Variants in SPATA4 observed in about 807,000 individuals in gnomAD.
The protein encoded by SPATA4 is spermatogenesis associated 4, also known as spermatogenesis-associated protein 4.
SPATA4 carries 35 observed loss-of-function variants against 31.8 expected under a neutral mutation model. That is an observed-to-expected ratio of 1.10 (90% confidence interval 0.84 to 1.46). The LOEUF (loss-of-function observed/expected upper bound fraction) is 1.46, where lower values mean the gene tolerates loss of function less well. Ranked by LOEUF, SPATA4 falls within the 40% of genes most tolerant of loss-of-function variation. The pLI is 0.00. For missense variants in SPATA4, 394 were observed against 363.1 expected (o/e 1.09, Z -0.69); for synonymous variants, 126 against 132.4 (o/e 0.95, Z 0.33).
At chr4:176,193,772 G>T in intron 1 of SPATA4, 190 bp from the exon 2 acceptor site, 1 of 504,892 alleles carries the variant, frequency 2.0e-6, no homozygotes, top group Non-Finnish European at 3.2e-6. Flanking sequence ...AGGCTTTGGT[G>T]TTCTTTTGAT....
Position 176,192,143 on chromosome 4 carries a change from A to G in SPATA4, c.688+484T>C, listed in dbSNP as rs539827355. On this transcript the variant is annotated intron_variant, in intron 4 of 5. Transcript: ENST00000280191. Reference sequence around the variant, plus strand: ...AATGCTTTGTTTGGGTACTTAGAGAATGATTTCAGTGATACGTCTGGAAAG... The same window carrying G: ...AATGCTTTGTTTGGGTACTTAGAGAGTGATTTCAGTGATACGTCTGGAAAG... Among the ~76,000 whole-genome samples the G allele has an allele frequency of 1.3e-5, 2 of 152,304 alleles. 1 individual carries two copies. The highest frequency in any genetic ancestry group is 4.1e-4 in the South Asian group (2 of 4,824).
chr4:176,191,748 A>G (rs761441107), intron 4 of SPATA4, among the ~76,000 whole-genome samples: 13 of 152,188 alleles, frequency 8.5e-5, no homozygotes, highest in Non-Finnish European at 1.8e-4. Flanking sequence ...AAGGAAGAGA[A>G]AACAAAATAT....
At chr4:176,185,271 A>G (rs1289855075) in intron 5 of SPATA4, among the ~76,000 whole-genome samples, 3 of 152,128 alleles carry the variant, frequency 2.0e-5, no homozygotes, top group Non-Finnish European at 4.4e-5. Context: ...TGGAGCTCTG[A>G]TTACACTGAG....
chr4:176,184,817 G>A lies in SPATA4; in HGVS notation c.881C>T (p.Ala294Val), dbSNP rs1219957960. ...KQAGQHSYYS[A>V]MKPIRNMDKK... ...GTCCATGTTTCTGATAGGTTTCATA[G>A]CAGAGTAATAAGAATGTTGTCCAGC... is the stretch of plus-strand genomic sequence containing the variant. Residue 294 changes from alanine to valine, a missense_variant, in exon 6 of 6, where the codon GCT becomes GTT. Physicochemically the swap from Ala to Val is moderately conservative, Grantham distance 64. Transcript: ENST00000280191. 3 of 1,601,154 alleles carry A rather than the reference G, an allele frequency of 1.9e-6. No homozygotes were observed. The highest frequency in any genetic ancestry group is 2.6e-6 in the Non-Finnish European group (3 of 1,174,046).
intron 4 of SPATA4, 85 bp from the exon 5 acceptor site, chr4:176,188,320 T>C: frequency 1.2e-6 from 1 of 828,504 alleles, no homozygotes; most frequent in East Asian, 2.7e-5. Context: ...AAAAATTAAG[T>C]AAATTATTTA....
chr4:176,187,922 G>C (rs549975509), intron 5 of SPATA4, among the ~76,000 whole-genome samples, 197 bp downstream of exon 5: 2 of 152,144 alleles, frequency 1.3e-5, no homozygotes, highest in Non-Finnish European at 2.9e-5. Flanking sequence ...TAGCAGGCTG[G>C]GGAGGGGGCA....
At chr4:176,194,515 CCT>C (rs1360998781) in intron 1 of SPATA4, 1 of 152,084 alleles carries the variant, frequency 6.6e-6, no homozygotes, top group Non-Finnish European at 1.5e-5. Flanking sequence ...GGAACCTATG[CCT>C]CTCTGATAAG....
chr4:176,192,692 A>C lies in SPATA4; in HGVS notation c.623T>G (p.Leu208Arg). 6.2e-7 allele frequency: 1 copy of C among 1,614,096 alleles called. No homozygotes were observed. The highest frequency in any genetic ancestry group is 8.5e-7 in the Non-Finnish European group (1 of 1,180,004). The part of the protein sequence containing the change: ...LSNPNMLTNE[L>R]KAEFLILLHM... ...TAAAAGGATGAGGAACTCCGCTTTA[A>C]GTTCATTGGTCAGCATGTTGGGATT... Residue 208 changes from leucine to arginine, a missense_variant, in exon 4 of 6, where the codon CTT (leucine) becomes CGT (arginine). Leu to Arg is a moderately radical substitution (Grantham distance 102). Transcript: ENST00000280191.
chr4:176,188,001 T>C (rs1752471379), intron 5 of SPATA4, 118 bp downstream of exon 5: 1 of 739,916 alleles, frequency 1.4e-6, no homozygotes, highest in African/African-American at 1.8e-5. Flanking sequence ...ATTGGCAGTG[T>C]AGGACTGAAT....
intron 4 of SPATA4, among the ~76,000 whole-genome samples, chr4:176,189,075 G>GA (rs1429379563): frequency 6.6e-6 from 1 of 152,150 alleles, no homozygotes; most frequent in African/African-American, 2.4e-5. Flanking sequence ...TGTAGTTAAA[G>GA]AAAAAATGTG....
chr4:176,191,596 C>T (rs1011392844), intron 4 of SPATA4, among the ~76,000 whole-genome samples: 2 of 152,120 alleles, frequency 1.3e-5, no homozygotes, highest in South Asian at 2.1e-4. Flanking sequence ...ACATTATATA[C>T]GTGCATGTGT....
chr4:176,194,503 T>C (rs1752583238), intron 1 of SPATA4: 1 of 152,168 alleles, frequency 6.6e-6, no homozygotes. Context: ...ACTGGGGATC[T>C]TGGAACCTAT....
intron 2 of SPATA4, 78 bp downstream of exon 2, chr4:176,193,375 A>C: frequency 1.3e-6 from 2 of 1,532,230 alleles, no homozygotes; most frequent in Non-Finnish European, 1.8e-6. Flanking sequence ...ACATACACGT[A>C]GAGATCCAGG....
intron 5 of SPATA4, 107 bp downstream of exon 5, chr4:176,188,012 G>GT: frequency 1.2e-6 from 1 of 800,352 alleles, no homozygotes; most frequent in Non-Finnish European, 2.2e-6. Flanking sequence ...AGGACTGAAT[G>GT]TTGACCTATA....
Position 176,184,810 on chromosome 4 carries a change from T to A in SPATA4, c.888A>T (p.Lys296Asn), listed in dbSNP as rs761320451. Residue 296 changes from lysine to asparagine, a missense_variant, in exon 6 of 6, where the codon AAA becomes AAT. Lys to Asn is a moderately conservative substitution (Grantham distance 94). Coordinates refer to ENST00000280191, the MANE Select transcript of SPATA4 (RefSeq NM_144644.4). ...AGQHSYYSAMKPIRNMDKKP is the reference protein window; with the variant it reads ...AGQHSYYSAMNPIRNMDKKP ...GTTTCTTGTCCATGTTTCTGATAGG[T>A]TTCATAGCAGAGTAATAAGAATGTT... The A allele has an allele frequency of 6.3e-7, 1 of 1,599,650 alleles. No homozygotes were observed. The highest frequency in any genetic ancestry group is 1.7e-5 in the Admixed American group (1 of 57,472).
In SPATA4 at chr4:176,192,696, C is replaced by A; in HGVS notation, c.619G>T (p.Glu207Ter). 1 of 1,614,064 alleles carries A rather than the reference C, an allele frequency of 6.2e-7. No homozygotes were observed. Among genetic ancestry groups the A allele is most frequent in the South Asian group, 1.1e-5 (1 of 91,062 alleles). ...AGGATGAGGAACTCCGCTTTAAGTT[C>A]ATTGGTCAGCATGTTGGGATTGCTT... ...LLSNPNMLTN[E>*]LKAEFLILLH... Residue 207 changes from glutamate to a stop codon, truncating the protein, a stop_gained, in exon 4 of 6, where the codon GAA becomes TAA. Coordinates refer to ENST00000280191, the MANE Select transcript of SPATA4 (RefSeq NM_144644.4). LOFTEE classifies it high-confidence loss of function.
At chr4:176,190,011 T>C (rs1752503019) in intron 4 of SPATA4, among the ~76,000 whole-genome samples, 1 of 152,068 alleles carries the variant, frequency 6.6e-6, no homozygotes, top group Non-Finnish European at 1.5e-5. Flanking sequence ...AGCGGGTACG[T>C]GACTGGGGGC....
chr4:176,190,682 T>C (rs1182593160), intron 4 of SPATA4, among the ~76,000 whole-genome samples: 1 of 152,188 alleles, frequency 6.6e-6, no homozygotes, highest in East Asian at 1.9e-4. Context: ...CTGCACCACA[T>C]ACCTTCTCAT....
intron 5 of SPATA4, among the ~76,000 whole-genome samples, chr4:176,187,098 C>T (rs1752455402): frequency 2.0e-5 from 3 of 151,928 alleles, no homozygotes; most frequent in Admixed American, 2.0e-4. Context: ...TAAATATGTC[C>T]TCAGAGGTAT....
Sources: gnomAD v4.1 joint callset for allele counts (sites outside exome capture counted in the v4.1 genomes callset) on GRCh38, gnomAD v4.1.1 for gene constraint, MANE v1.5 for transcripts, NCBI Gene and HGNC (gene_info 2026-07-23, HGNC 2026-07-21) for gene names.